GABBR2: variants seen among roughly 807,000 people sequenced by gnomAD.
The protein encoded by GABBR2 is G-protein coupled receptor 51.
In GABBR2, 23 loss-of-function variants were observed where a neutral mutation model predicts 105.6. The observed-to-expected ratio is 0.22, with a 90% CI of 0.16 to 0.31. The LOEUF (loss-of-function observed/expected upper bound fraction) is 0.31, where lower values mean the gene tolerates loss of function less well. GABBR2 is among the 10% of genes least tolerant of loss of function. GABBR2 has a pLI of 1.00. For synonymous variants in GABBR2, 478 were observed against 499.7 expected, an observed-to-expected ratio of 0.96 and a Z score of 0.58; for missense variants, 734 against 1,245.5, an observed-to-expected ratio of 0.59 and a Z score of 6.18.
intron 1 of GABBR2, among the ~76,000 whole-genome samples, chr9:98,643,588 C>A (rs1015838183): frequency 6.6e-6 from 1 of 152,154 alleles, no homozygotes; most frequent in African/African-American, 2.4e-5. Flanking sequence ...GAGCTCCTTG[C>A]GCAGAGGGAC....
chr9:98,519,145 T>C (rs998292841), intron 3 of GABBR2, among the ~76,000 whole-genome samples: 2 of 152,206 alleles, frequency 1.3e-5, no homozygotes, highest in African/African-American at 2.4e-5. Flanking sequence ...CCCTGGGCTG[T>C]GAGCAACTGA....
In GABBR2 at chr9:98,380,788, G is replaced by A. The variant is rs548472357; in HGVS notation, c.1662+4852C>T. ...TGTGTGTGGGTGAATCTGTGTGCAC[G>A]CACTCACACACGCACCCACCCTCGT... On this transcript the variant is annotated intron_variant, in intron 11 of 18. Coordinates refer to ENST00000259455, the MANE Select transcript of GABBR2 (RefSeq NM_005458.8). Among the ~76,000 whole-genome samples the A allele has an allele frequency of 2.5e-3, 377 of 152,286 alleles. 1 individual carries two copies. Among genetic ancestry groups the A allele is most frequent in the African/African-American group, 8.8e-3 (365 of 41,556 alleles).
At chr9:98,602,236 G>A (rs1225982760) in intron 1 of GABBR2, among the ~76,000 whole-genome samples, 2 of 151,608 alleles carry the variant, frequency 1.3e-5, no homozygotes, top group Non-Finnish European at 2.9e-5. Flanking sequence ...CACTTTGGGA[G>A]GCCGAGGCAG....
At chr9:98,412,415 C>T (rs1832607245) in intron 7 of GABBR2, among the ~76,000 whole-genome samples, 1 of 152,240 alleles carries the variant, frequency 6.6e-6, no homozygotes, top group African/African-American at 2.4e-5. Context: ...TGTGAGCATG[C>T]ATCCTCACTG....
intron 3 of GABBR2, among the ~76,000 whole-genome samples, chr9:98,504,177 T>C (rs900519065): frequency 3.9e-5 from 6 of 152,008 alleles, no homozygotes; most frequent in African/African-American, 7.2e-5. Flanking sequence ...AACCTGACTA[T>C]GGCAGAGGAG....
chr9:98,646,263 T>C (rs1054357059), intron 1 of GABBR2, among the ~76,000 whole-genome samples: 3 of 152,196 alleles, frequency 2.0e-5, no homozygotes, highest in Non-Finnish European at 2.9e-5. Flanking sequence ...TGTGGAATTT[T>C]GGTATGTGTT....
intron 8 of GABBR2, 62 bp from the exon 9 acceptor site, chr9:98,394,317 C>T: frequency 8.7e-7 from 1 of 1,150,370 alleles, no homozygotes; most frequent in Non-Finnish European, 1.3e-6. Flanking sequence ...CTGGGTGCTC[C>T]TATTCCAGGC....
At chr9:98,447,079 T>TTTTTTTTTTA (rs1826144860) in intron 7 of GABBR2, among the ~76,000 whole-genome samples, 2 of 102,024 alleles carry the variant, frequency 2.0e-5, no homozygotes, top group African/African-American at 6.9e-5. Context: ...TTTTTTTTTT[T>TTTTTTTTTTA]GAGACGGAGT....
intron 8 of GABBR2, among the ~76,000 whole-genome samples, chr9:98,402,630 T>G (rs1832414346): frequency 6.6e-6 from 1 of 152,092 alleles, no homozygotes; most frequent in South Asian, 2.1e-4. Flanking sequence ...ACAAGGTGCA[T>G]GAGTGAGCAG....
chr9:98,596,213 T>C lies in GABBR2; in HGVS notation c.322-18141A>G, dbSNP rs1452430560. 3.9e-5 allele frequency among the ~76,000 whole-genome samples: 6 copies of C among 152,332 alleles called. No homozygotes were observed. In the East Asian group the frequency reaches 1.2e-3, roughly 29 times the overall value. On this transcript the variant is annotated intron_variant, in intron 1 of 18. Coordinates refer to ENST00000259455, the MANE Select transcript of GABBR2 (RefSeq NM_005458.8). ...CCCCCATAAACGAGGATGATAATAG[T>C]GTTTACATTATGCTGTTATGGTGAA... is the stretch of plus-strand genomic sequence containing the variant.
At chr9:98,475,850 G>A (rs1564084701) in intron 5 of GABBR2, among the ~76,000 whole-genome samples, 1 of 152,188 alleles carries the variant, frequency 6.6e-6, no homozygotes, top group East Asian at 1.9e-4. Context: ...ATCACTTGAG[G>A]TCAGGAGTTC....
intron 1 of GABBR2, among the ~76,000 whole-genome samples, chr9:98,599,969 G>A (rs552219309): frequency 6.6e-6 from 1 of 152,202 alleles, no homozygotes; most frequent in South Asian, 2.1e-4. Context: ...TGGATGCAGA[G>A]AGTGGGAATG....
intron 4 of GABBR2, among the ~76,000 whole-genome samples, chr9:98,491,398 G>T (rs1198463525): frequency 1.3e-5 from 2 of 152,284 alleles, no homozygotes; most frequent in East Asian, 3.9e-4. Context: ...TCTTCCTTTT[G>T]ATAATGAGTT....
chr9:98,489,072 G>T (rs533296933), intron 4 of GABBR2, among the ~76,000 whole-genome samples: 4 of 152,168 alleles, frequency 2.6e-5, no homozygotes, highest in African/African-American at 4.8e-5. Context: ...CAGTTCTGCC[G>T]CTGTAGCACA....
intron 2 of GABBR2, among the ~76,000 whole-genome samples, chr9:98,569,492 C>T (rs1828796906): frequency 6.6e-6 from 1 of 152,208 alleles, no homozygotes; most frequent in Non-Finnish European, 1.5e-5. Flanking sequence ...GGCATCATAA[C>T]AGCAGCTACT....
At chr9:98,692,134 A>C (rs567201045) in intron 1 of GABBR2, among the ~76,000 whole-genome samples, 1 of 152,316 alleles carries the variant, frequency 6.6e-6, no homozygotes, top group African/African-American at 2.4e-5. Flanking sequence ...CACAGCTAGT[A>C]AGTGCTCTTA....
At chr9:98,341,184 C>T (rs558240425) in intron 13 of GABBR2, among the ~76,000 whole-genome samples, 72 of 152,220 alleles carry the variant, frequency 4.7e-4, no homozygotes, top group Non-Finnish European at 9.6e-4. Flanking sequence ...CACACCTTTC[C>T]ACACAAGATG....
chr9:98,437,695 TATCCATCC>T (rs149357518), intron 7 of GABBR2, among the ~76,000 whole-genome samples: 1 of 149,766 alleles, frequency 6.7e-6, no homozygotes, highest in African/African-American at 2.5e-5. Context: ...TTCACATAAC[TATCCATCC>T]ATCCATCCAC....
chr9:98,310,863 T>C (rs577852033), intron 14 of GABBR2, among the ~76,000 whole-genome samples: 7 of 152,308 alleles, frequency 4.6e-5, no homozygotes, highest in Admixed American at 1.3e-4. Flanking sequence ...CCAGATGACC[T>C]TGGGCAAGAC....
Sources: gnomAD v4.1 joint callset for allele counts (sites outside exome capture counted in the v4.1 genomes callset) on GRCh38, gnomAD v4.1.1 for gene constraint, MANE v1.5 for transcripts, NCBI Gene and HGNC (gene_info 2026-07-23, HGNC 2026-07-21) for gene names.